Variants in GLI2 observed in about 807,000 individuals in gnomAD.
GLI2 encodes the protein GLI family zinc finger 2, also known as transcription activator GLI2.
In GLI2, 22 loss-of-function variants were observed where a neutral mutation model predicts 78.9. The ratio of observed to expected loss-of-function variants is 0.28; its 90% CI spans 0.20 to 0.40. The LOEUF is 0.40. Among genes scored for constraint, GLI2 ranks in the 10% least tolerant of loss-of-function variants. GLI2 has a pLI of 1.00. For missense variants in GLI2, 2,097 were observed against 2,213.2 expected (o/e 0.95, Z 1.05); for synonymous variants, 974 against 963.7 (o/e 1.01, Z -0.20).
At chr2:120,843,602 A>G (rs1686980316) in intron 2 of GLI2, among the ~76,000 whole-genome samples, 1 of 152,224 alleles carries the variant, frequency 6.6e-6, no homozygotes, top group African/African-American at 2.4e-5. Flanking sequence ...ATTGCAGGGC[A>G]GCTGGGACTC....
chr2:120,823,928 C>T (rs1053882804), intron 2 of GLI2, among the ~76,000 whole-genome samples: 4 of 152,166 alleles, frequency 2.6e-5, no homozygotes, highest in South Asian at 2.1e-4. Context: ...TGTAATTTGC[C>T]GTATTCCTGT....
At chr2:120,912,677 C>T (rs113209244) in intron 2 of GLI2, among the ~76,000 whole-genome samples, 112 of 152,332 alleles carry the variant, frequency 7.4e-4, no homozygotes, top group African/African-American at 2.5e-3. Flanking sequence ...TGTTTCTCCA[C>T]GGTCCTGCCG....
At chr2:120,980,290 A>G (rs979293890) in intron 10 of GLI2, among the ~76,000 whole-genome samples, 3 of 152,170 alleles carry the variant, frequency 2.0e-5, no homozygotes, top group Non-Finnish European at 4.4e-5. Context: ...CCTCACCAAC[A>G]CTGGTTGTTA....
At position 120,759,413 on chromosome 2, in the gene GLI2, A is replaced by G. The variant is rs1683146591; in HGVS notation, c.-31+23128A>G. ...TACCTGTGCTTCTGACCAACCAGCT[A>G]TAAATCTGGGTTCCCATGCCGCCTT... On this transcript the variant is annotated intron_variant, in intron 1 of 13. Coordinates refer to ENST00000361492, the MANE Select transcript of GLI2 (RefSeq NM_001374353.1). Among the ~76,000 whole-genome samples, 4 of 152,296 alleles carry G rather than the reference A, an allele frequency of 2.6e-5. No homozygotes were observed. In the South Asian group the frequency reaches 6.2e-4, roughly 24 times the overall value.
chr2:120,794,655 G>T (rs1180591700), intron 1 of GLI2, among the ~76,000 whole-genome samples: 3 of 152,204 alleles, frequency 2.0e-5, no homozygotes, highest in East Asian at 1.9e-4. Flanking sequence ...GAGGAGGAAG[G>T]TGTCTTAAGG....
intron 1 of GLI2, among the ~76,000 whole-genome samples, chr2:120,765,079 C>T (rs1320744870): frequency 6.6e-6 from 1 of 152,208 alleles, no homozygotes; most frequent in Non-Finnish European, 1.5e-5. Context: ...CTCCTGCCCT[C>T]CCTTCCTCCT....
At chr2:120,831,609 A>G (rs988548416) in intron 2 of GLI2, among the ~76,000 whole-genome samples, 2 of 152,224 alleles carry the variant, frequency 1.3e-5, no homozygotes, top group African/African-American at 4.8e-5. Flanking sequence ...GAGCAGTATC[A>G]GTGCTCTGGG....
chr2:120,841,022 C>A (rs925426504), intron 2 of GLI2, among the ~76,000 whole-genome samples: 1 of 152,134 alleles, frequency 6.6e-6, no homozygotes, highest in Non-Finnish European at 1.5e-5. Flanking sequence ...AACAGATGTT[C>A]ATTCTGTTTA....
In GLI2 at chr2:120,771,589, C is replaced by T. The variant is rs150263043; in HGVS notation, c.-30-25702C>T. ...TCTGGGAGAGTAGTGTGACTTAGTG[C>T]GGCTCTGACTGCCCTTCCAGTCGGG... On this transcript the variant is annotated intron_variant, in intron 1 of 13. Coordinates refer to ENST00000361492, the MANE Select transcript of GLI2 (RefSeq NM_001374353.1). 2.9e-3 allele frequency among the ~76,000 whole-genome samples: 436 copies of T among 152,324 alleles called. 1 individual carries two copies. The highest frequency in any genetic ancestry group is 7.6e-3 in the Admixed American group (117 of 15,304).
chr2:120,948,034 C>G (rs978711455), intron 3 of GLI2, among the ~76,000 whole-genome samples: 5 of 152,202 alleles, frequency 3.3e-5, no homozygotes, highest in African/African-American at 9.6e-5. Context: ...CATCTTCCAG[C>G]TTTCTGTCTG....
chr2:120,970,521 C>T lies in GLI2; in HGVS notation c.974C>T (p.Ala325Val), dbSNP rs745509639. 6 of 1,614,124 alleles carry T rather than the reference C, an allele frequency of 3.7e-6. No individual in the cohort carries two copies. In the South Asian group the frequency reaches 6.6e-5, roughly 18 times the overall value. ...PLIQPSPTFL[A>V]QQPMALTSIN... Reference sequence around the variant, plus strand: ...ATCCAGCCCTCACCCACCTTCCTGGCCCAGCAGCCCATGGCCCTCACCTCC... The same window carrying T: ...ATCCAGCCCTCACCCACCTTCCTGGTCCAGCAGCCCATGGCCCTCACCTCC... Residue 325 changes from alanine (A) to valine (V), a missense_variant, in exon 7 of 14, where the codon GCC (alanine) becomes GTC (valine). Around this residue, in one of 5 missense-constraint regions of GLI2, gnomAD observed 578 missense variants for 612.0 expected, o/e 0.94. Transcript: ENST00000361492.
chr2:120,937,713 T>C (rs1680264237), intron 3 of GLI2, among the ~76,000 whole-genome samples: 2 of 152,188 alleles, frequency 1.3e-5, no homozygotes, highest in Admixed American at 6.5e-5. Flanking sequence ...CACATACTCA[T>C]GAAGGCTTGG....
chr2:120,840,619 C>A (rs951886037), intron 2 of GLI2, among the ~76,000 whole-genome samples: 2 of 152,158 alleles, frequency 1.3e-5, no homozygotes, highest in Admixed American at 1.3e-4. Context: ...TAAATTTGAA[C>A]CATCACTCAG....
In GLI2 at chr2:120,990,586, G is replaced by A. The variant is rs200551009; in HGVS notation, c.4621G>A (p.Ala1541Thr). 13 of 1,613,484 alleles carry A rather than the reference G, an allele frequency of 8.1e-6. No homozygotes were observed. The highest frequency in any genetic ancestry group is 6.7e-5 in the East Asian group (3 of 44,838). Residue 1541 changes from alanine (A) to threonine (T), a missense_variant, in exon 14 of 14, where the codon GCA becomes ACA. Physicochemically the swap from Ala to Thr is moderately conservative, Grantham distance 58. This residue lies in a region of GLI2 where 1,290 missense variants were observed against 1,261.7 expected (regional missense o/e 1.02). Transcript: ENST00000361492. ...RNSLTLPSIP[A>T]GISNMAVGDM... The stretch of plus-strand genomic sequence containing the variant: ...CTCCTTGACCCTGCCCTCCATCCCC[G>A]CAGGCATCAGCAACATGGCTGTCGG...
intron 1 of GLI2, among the ~76,000 whole-genome samples, chr2:120,759,086 C>T (rs749552411): frequency 7.2e-5 from 11 of 152,166 alleles, no homozygotes; most frequent in South Asian, 2.1e-4. Flanking sequence ...GCCTCATGAG[C>T]AAATGCAGCA....
intron 1 of GLI2, among the ~76,000 whole-genome samples, chr2:120,783,568 C>T (rs1260655420): frequency 2.0e-5 from 3 of 152,040 alleles, no homozygotes; most frequent in Non-Finnish European, 4.4e-5. Context: ...GAGCAAGCAG[C>T]ACACGGCAAA....
At chr2:120,771,130 G>T (rs1683508413) in intron 1 of GLI2, among the ~76,000 whole-genome samples, 1 of 152,214 alleles carries the variant, frequency 6.6e-6, no homozygotes, top group African/African-American at 2.4e-5. Flanking sequence ...GGTGGGCTCT[G>T]CCTGTGTCCT....
At chr2:120,798,642 C>A (rs978250672) in intron 2 of GLI2, among the ~76,000 whole-genome samples, 1 of 152,186 alleles carries the variant, frequency 6.6e-6, no homozygotes, top group African/African-American at 2.4e-5. Flanking sequence ...CTGAGCTGGA[C>A]GATGCCTCTC....
At chr2:120,807,597 A>G (rs546247097) in intron 2 of GLI2, among the ~76,000 whole-genome samples, 1 of 152,344 alleles carries the variant, frequency 6.6e-6, no homozygotes, top group African/African-American at 2.4e-5. Context: ...CCTGAGAAAC[A>G]GCATGGGCAA....
Sources: gnomAD v4.1 joint callset for allele counts (sites outside exome capture counted in the v4.1 genomes callset) on GRCh38, gnomAD v4.1.1 for gene constraint, gnomAD v4.1.1 regional missense constraint, MANE v1.5 for transcripts, NCBI Gene and HGNC (gene_info 2026-07-23, HGNC 2026-07-21) for gene names.